The following GALNTL6 variants were observed in gnomAD, a reference collection of about 807,000 sequenced individuals.
GALNTL6 encodes polypeptide N-acetylgalactosaminyltransferase like 6, also known as polypeptide N-acetylgalactosaminyltransferase-like 6.
A neutral mutation model predicts 73.7 loss-of-function variants in GALNTL6; 46 were observed. The observed-to-expected ratio is 0.62, with a 90% CI of 0.49 to 0.80. The LOEUF is 0.80. Among genes scored for constraint, GALNTL6 ranks in the 30% least tolerant of loss-of-function variants. The pLI is 0.00. For synonymous variants in GALNTL6, 259 were observed against 263.7 expected (o/e 0.98, Z 0.17); for missense variants, 604 against 755.0 (o/e 0.80, Z 2.34).
intron 5 of GALNTL6, among the ~76,000 whole-genome samples, chr4:172,611,283 T>C (rs1389252529): frequency 5.3e-5 from 8 of 152,116 alleles, no homozygotes. Context: ...ATCAGTGGTC[T>C]ATGTACTTAA....
intron 2 of GALNTL6, among the ~76,000 whole-genome samples, chr4:171,935,467 G>A (rs1738311119): frequency 6.6e-6 from 1 of 152,050 alleles, no homozygotes; most frequent in African/African-American, 2.4e-5. Flanking sequence ...GAAACACACT[G>A]ACTCTCTTTT....
At chr4:171,920,129 C>A (rs2110977032) in intron 2 of GALNTL6, among the ~76,000 whole-genome samples, 1 of 150,768 alleles carries the variant, frequency 6.6e-6, no homozygotes, top group South Asian at 2.1e-4. Context: ...GTCGCAAGGA[C>A]AAAAAAACCA....
chr4:172,015,297 C>CATTAATACATT (rs1359619846), intron 2 of GALNTL6, among the ~76,000 whole-genome samples: 1 of 152,024 alleles, frequency 6.6e-6, no homozygotes, highest in Non-Finnish European at 1.5e-5. Context: ...CTCCCTTTAT[C>CATTAATACATT]ATTATATAAT....
chr4:172,125,276 C>A (rs1560933010), intron 2 of GALNTL6, among the ~76,000 whole-genome samples: 1 of 152,016 alleles, frequency 6.6e-6, no homozygotes, highest in Non-Finnish European at 1.5e-5. Flanking sequence ...CAATCTAAAT[C>A]CAGAAAAATT....
intron 2 of GALNTL6, among the ~76,000 whole-genome samples, chr4:171,945,341 G>A (rs1201745749): frequency 6.6e-6 from 1 of 152,040 alleles, no homozygotes; most frequent in East Asian, 1.9e-4. Flanking sequence ...GGGATATTAT[G>A]ACCTGTTTAG....
At chr4:172,671,935 G>C (rs1385643856) in intron 5 of GALNTL6, among the ~76,000 whole-genome samples, 1 of 152,108 alleles carries the variant, frequency 6.6e-6, no homozygotes, top group Non-Finnish European at 1.5e-5. Flanking sequence ...CTGTTGCCCA[G>C]GCTGGAGTGC....
At chr4:172,310,256 G>T (rs1452489334) in intron 3 of GALNTL6, among the ~76,000 whole-genome samples, 1 of 151,700 alleles carries the variant, frequency 6.6e-6, no homozygotes, top group Non-Finnish European at 1.5e-5. Context: ...GAAGAAAAAA[G>T]CAAATTACTC....
At chr4:172,334,580 C>G (rs1741243014) in intron 4 of GALNTL6, among the ~76,000 whole-genome samples, 1 of 152,012 alleles carries the variant, frequency 6.6e-6, no homozygotes, top group Non-Finnish European at 1.5e-5. Context: ...AATTTTTTAT[C>G]CTGAAACTTT....
At chr4:172,428,652 T>TC (rs1209531927) in intron 5 of GALNTL6, among the ~76,000 whole-genome samples, 1 of 152,190 alleles carries the variant, frequency 6.6e-6, no homozygotes, top group African/African-American at 2.4e-5. Flanking sequence ...TCATTTTATG[T>TC]CCTTTTACCT....
intron 2 of GALNTL6, among the ~76,000 whole-genome samples, chr4:172,090,198 T>A (rs1732161661): frequency 6.6e-6 from 1 of 152,208 alleles, no homozygotes; most frequent in Non-Finnish European, 1.5e-5. Flanking sequence ...TGATTAATAA[T>A]CCTTTGGATA....
intron 7 of GALNTL6, among the ~76,000 whole-genome samples, chr4:172,828,293 C>CA (rs1464720487): frequency 7.0e-5 from 10 of 141,850 alleles, no homozygotes; most frequent in Non-Finnish European, 9.2e-5. Flanking sequence ...AAAAAAGAAA[C>CA]AAACAAAAAA....
At chr4:172,624,616 A>G (rs1421472218) in intron 5 of GALNTL6, among the ~76,000 whole-genome samples, 1 of 152,084 alleles carries the variant, frequency 6.6e-6, no homozygotes, top group Admixed American at 6.6e-5. Context: ...CATTTTTTAC[A>G]GAGGGAAGAC....
At chr4:172,138,477 CTATATATATATATATATATATATA>C (rs1414149880) in intron 2 of GALNTL6, among the ~76,000 whole-genome samples, 133 of 8,698 alleles carry the variant, frequency 0.015, 3 homozygotes, top group African/African-American at 0.047. Context: ...CTTGGACTGC[CTATATATATATATATATATATATA>C]TATATATATA....
At chr4:172,835,218 C>G (rs776843012) in intron 7 of GALNTL6, among the ~76,000 whole-genome samples, 2 of 152,202 alleles carry the variant, frequency 1.3e-5, no homozygotes, top group African/African-American at 4.8e-5. Flanking sequence ...GAATTTGAAA[C>G]AAAGTGAGTG....
chr4:172,602,804 T>G (rs1207003311), intron 5 of GALNTL6, among the ~76,000 whole-genome samples: 1 of 152,142 alleles, frequency 6.6e-6, no homozygotes. Flanking sequence ...GCTTTGTTCA[T>G]AATAGCCTCA....
At chr4:172,265,695 C>A (rs1738427228) in intron 3 of GALNTL6, among the ~76,000 whole-genome samples, 1 of 151,926 alleles carries the variant, frequency 6.6e-6, no homozygotes, top group African/African-American at 2.4e-5. Flanking sequence ...AACAAAGATA[C>A]AAATACTTAG....
chr4:172,861,202 G>A (rs562957959), intron 7 of GALNTL6, among the ~76,000 whole-genome samples: 47 of 152,282 alleles, frequency 3.1e-4, no homozygotes, highest in African/African-American at 1.1e-3. Context: ...GGTGAGATTT[G>A]AGGATAAGCT....
chr4:172,972,998 T>G (rs557581674), intron 10 of GALNTL6, among the ~76,000 whole-genome samples: 21 of 152,212 alleles, frequency 1.4e-4, no homozygotes, highest in Non-Finnish European at 2.9e-4. Context: ...TTTGTCTGGC[T>G]TTTCTGGTAT....
intron 8 of GALNTL6, among the ~76,000 whole-genome samples, chr4:172,914,082 G>A (rs1377909471): frequency 3.3e-5 from 5 of 152,312 alleles, no homozygotes; most frequent in African/African-American, 1.2e-4. Flanking sequence ...TGGGGGGGTG[G>A]TGGCCAATAT....
Sources: allele counts gnomAD v4.1 joint callset (sites outside exome capture counted in the v4.1 genomes callset), GRCh38; gene constraint gnomAD v4.1.1; transcripts MANE v1.5; gene names NCBI Gene and HGNC (gene_info 2026-07-23, HGNC 2026-07-21).